The following ENTREP2 variants were observed in gnomAD, a reference collection of about 807,000 sequenced individuals.
The protein encoded by ENTREP2 is protein ENTREP2.
At chr15:29,401,224 A>C in the ENTREP2 span, among the ~76,000 whole-genome samples, 3,867 of 152,300 alleles carry the variant, frequency 0.025, 81 homozygotes, top group Middle Eastern at 0.044. Context: ...GTTAAAAAAA[A>C]CCCATAAAAC....
At chr15:29,519,904 C>T in the ENTREP2 span, among the ~76,000 whole-genome samples, 2 of 152,188 alleles carry the variant, frequency 1.3e-5, no homozygotes, top group South Asian at 2.1e-4. Flanking sequence ...ACTAATCAAT[C>T]GACCTAGTGA....
chr15:29,667,890 C>T, the ENTREP2 span, among the ~76,000 whole-genome samples: 1 of 152,102 alleles, frequency 6.6e-6, no homozygotes, highest in Admixed American at 6.5e-5. Context: ...ACATCTTGGC[C>T]TGTTTTCTTC....
chr15:29,320,549 G>A, the ENTREP2 span, among the ~76,000 whole-genome samples: 1 of 152,198 alleles, frequency 6.6e-6, no homozygotes, highest in Non-Finnish European at 1.5e-5. Flanking sequence ...GAACCAGACT[G>A]AGACACAGCA....
At chr15:29,426,641 C>T in the ENTREP2 span, among the ~76,000 whole-genome samples, 1 of 152,292 alleles carries the variant, frequency 6.6e-6, no homozygotes, top group East Asian at 1.9e-4. Context: ...CTCACAGTAA[C>T]ATTTTCGTGT....
chr15:29,527,211 C>A, the ENTREP2 span, among the ~76,000 whole-genome samples: 7 of 152,178 alleles, frequency 4.6e-5, no homozygotes, highest in Admixed American at 4.6e-4. Context: ...TGTTGCCTGC[C>A]TGCATCCAAT....
the ENTREP2 span, among the ~76,000 whole-genome samples, chr15:29,311,821 TAA>T: frequency 6.6e-6 from 1 of 152,184 alleles, no homozygotes; most frequent in African/African-American, 2.4e-5. Context: ...AGCTTCCAGA[TAA>T]AGTCATGGAG....
At chr15:29,556,090 C>T in the ENTREP2 span, among the ~76,000 whole-genome samples, 1 of 152,098 alleles carries the variant, frequency 6.6e-6, no homozygotes, top group Non-Finnish European at 1.5e-5. Flanking sequence ...CTCCTCTCTA[C>T]AAAAATTAAA....
chr15:29,123,788 G>A, the ENTREP2 span: 2 of 875,612 alleles, frequency 2.3e-6, no homozygotes, highest in East Asian at 5.3e-5. Context: ...CTCTGGGCAT[G>A]CCCTGCTGTC....
the ENTREP2 span, among the ~76,000 whole-genome samples, chr15:29,287,989 T>C: frequency 1.3e-5 from 2 of 152,200 alleles, no homozygotes; most frequent in Admixed American, 6.5e-5. Context: ...ACTGCACAGC[T>C]GTGGGGAAGG....
chr15:29,526,813 C>A, the ENTREP2 span, among the ~76,000 whole-genome samples: 1 of 151,928 alleles, frequency 6.6e-6, no homozygotes, highest in Non-Finnish European at 1.5e-5. Context: ...TCTTTCCAGT[C>A]GTGCCAACCT....
chr15:29,672,285 G>A, the ENTREP2 span, among the ~76,000 whole-genome samples: 1 of 152,224 alleles, frequency 6.6e-6, no homozygotes, highest in African/African-American at 2.4e-5. Context: ...ACCGCGCCCG[G>A]TTTACTACAG....
the ENTREP2 span, among the ~76,000 whole-genome samples, chr15:29,222,550 A>G: frequency 6.6e-5 from 10 of 152,188 alleles, no homozygotes; most frequent in African/African-American, 2.2e-4. Flanking sequence ...CCCTCCAAGA[A>G]GAGAGGCTGA....
chr15:29,206,055 G>A, the ENTREP2 span, among the ~76,000 whole-genome samples: 34 of 152,304 alleles, frequency 2.2e-4, no homozygotes, highest in Non-Finnish European at 4.4e-4. Flanking sequence ...AATGACACAG[G>A]ACGACATAAC....
chr15:29,392,348 A>ACCCCCCCC, the ENTREP2 span, among the ~76,000 whole-genome samples: 3 of 100,934 alleles, frequency 3.0e-5, no homozygotes, highest in African/African-American at 7.5e-5. Context: ...AAAAGTTATG[A>ACCCCCCCC]CCCCCCCCAC....
chr15:29,491,297 C>G, the ENTREP2 span, among the ~76,000 whole-genome samples: 1 of 152,202 alleles, frequency 6.6e-6, no homozygotes, highest in Non-Finnish European at 1.5e-5. Flanking sequence ...GCTCCTGCCT[C>G]GGCCAGCCCA....
the ENTREP2 span, among the ~76,000 whole-genome samples, chr15:29,595,213 A>C: frequency 6.6e-6 from 1 of 151,990 alleles, no homozygotes. Flanking sequence ...AGTTCGCGCC[A>C]CTACGCTCCA....
the ENTREP2 span, among the ~76,000 whole-genome samples, chr15:29,648,554 T>C: frequency 6.6e-6 from 1 of 152,228 alleles, no homozygotes; most frequent in South Asian, 2.1e-4. Flanking sequence ...CCAAGGAAGA[T>C]CTAGTTGATG....
the ENTREP2 span, among the ~76,000 whole-genome samples, chr15:29,450,238 G>C: frequency 6.6e-6 from 1 of 152,142 alleles, no homozygotes; most frequent in Non-Finnish European, 1.5e-5. Context: ...CTGTGCAGAA[G>C]CTCCTTAATT....
the ENTREP2 span, among the ~76,000 whole-genome samples, chr15:29,420,220 A>T: frequency 1.3e-5 from 2 of 152,190 alleles, no homozygotes; most frequent in Non-Finnish European, 2.9e-5. Context: ...CTAATCAAGG[A>T]AGTAGATATG....
Sources: gnomAD v4.1 joint callset for allele counts (sites outside exome capture counted in the v4.1 genomes callset) on GRCh38, gnomAD v4.1.1 for gene constraint, MANE v1.5 for transcripts, NCBI Gene and HGNC (gene_info 2026-07-23, HGNC 2026-07-21) for gene names.